Variants in DMGDH observed in about 807,000 individuals in gnomAD.
DMGDH encodes dimethylglycine dehydrogenase, also known as dimethylglycine dehydrogenase, mitochondrial.
In DMGDH, 76 loss-of-function variants were observed where a neutral mutation model predicts 95.2. That is an observed-to-expected ratio of 0.80 (90% CI 0.66 to 0.97). DMGDH has a LOEUF of 0.97. DMGDH is among the 50% of genes least tolerant of loss of function. The pLI, the probability that DMGDH is intolerant of heterozygous loss-of-function variation, is 0.00. For synonymous variants in DMGDH, 345 were observed against 377.6 expected (o/e 0.91, Z 1.00); for missense variants, 987 against 1,055.0 (o/e 0.94, Z 0.89).
chr5:79,019,970 G>T (rs1231360205), intron 14 of DMGDH, among the ~76,000 whole-genome samples: 1 of 152,170 alleles, frequency 6.6e-6, no homozygotes, highest in Non-Finnish European at 1.5e-5. Context: ...TTGGGGGTCT[G>T]GGATGGTACT....
At chr5:79,003,313 G>A (rs979839160) in intron 15 of DMGDH, among the ~76,000 whole-genome samples, 6 of 152,210 alleles carry the variant, frequency 3.9e-5, no homozygotes, top group Non-Finnish European at 8.8e-5. Context: ...GAGGCCCAGA[G>A]ATCAGCTCAG....
At chr5:79,035,941 A>G (rs980411960) in intron 7 of DMGDH, among the ~76,000 whole-genome samples, 1 of 152,238 alleles carries the variant, frequency 6.6e-6, no homozygotes, top group Non-Finnish European at 1.5e-5. Flanking sequence ...ATTTTAAAGT[A>G]TCATCTTAGG....
At chr5:79,002,634 A>AC (rs1753472739) in intron 15 of DMGDH, among the ~76,000 whole-genome samples, 2 of 152,174 alleles carry the variant, frequency 1.3e-5, no homozygotes, top group Non-Finnish European at 2.9e-5. Context: ...CACACACACA[A>AC]AAAAGTCAAT....
At chr5:79,044,027 T>C (rs959455244) in intron 6 of DMGDH, among the ~76,000 whole-genome samples, 4 of 152,202 alleles carry the variant, frequency 2.6e-5, no homozygotes, top group Non-Finnish European at 5.9e-5. Flanking sequence ...GGAGGTTGTG[T>C]GGGCAGGTAA....
intron 1 of DMGDH, among the ~76,000 whole-genome samples, chr5:79,067,606 T>C (rs1580238540): frequency 6.6e-6 from 1 of 152,232 alleles, no homozygotes; most frequent in African/African-American, 2.4e-5. Context: ...TGGCAACATA[T>C]GATAAAGCAT....
In DMGDH at chr5:79,024,297, G is replaced by A. The variant is rs757937639; in HGVS notation, c.2224C>T (p.Leu742=). The A allele has an allele frequency of 6.2e-7, 1 of 1,613,538 alleles. No homozygotes were observed. The highest frequency in any genetic ancestry group is 8.5e-7 in the Non-Finnish European group (1 of 1,179,686). Residue 742 remains leucine (L), a synonymous_variant, in exon 14 of 16, where the codon CTG becomes TTG. Transcript: ENST00000255189. ...TTATTTAACTTCACAAAATATTCCA[G>A]TCCAGCTTCCAAAGGATTTGTATCA... The part of the protein sequence containing the change: ...NCDTNPLEAG[L]EYFVKLNKPA...
intron 12 of DMGDH, 140 bp downstream of exon 12, chr5:79,028,293 T>C (rs935332904): frequency 4.7e-5 from 34 of 723,964 alleles, no homozygotes; most frequent in Middle Eastern, 3.9e-4. Context: ...CAAAGTCGCA[T>C]GGACAAAAGT....
chr5:79,044,968 TG>T (rs1184160923), intron 5 of DMGDH, among the ~76,000 whole-genome samples: 6 of 152,198 alleles, frequency 3.9e-5, no homozygotes, highest in African/African-American at 1.2e-4. Context: ...GCCCCTGTGT[TG>T]CTGTGACCAA....
intron 14 of DMGDH, chr5:79,021,710 C>A (rs766381969): frequency 1.2e-4 from 158 of 1,292,960 alleles, no homozygotes; most frequent in Non-Finnish European, 1.4e-4. Flanking sequence ...TTAGTTACAG[C>A]AAAAACATGT....
rs377216177 is a variant in DMGDH, at chr5:79,052,330, G to C, written c.541-839C>G. Among the ~76,000 whole-genome samples, 188 of 152,274 alleles carry C rather than the reference G, an allele frequency of 1.2e-3. 3 individuals carry two copies. In the South Asian group the frequency reaches 0.015, roughly 12 times the overall value. On this transcript the variant is annotated intron_variant, in intron 4 of 15. Transcript: ENST00000255189. ...CAATACTGGCCTCATAGAATGAGTT[G>C]AGAGGCATTCACTCTTCTATTTTGG...
intron 14 of DMGDH, chr5:79,021,363 A>G (rs1753862881): frequency 8.7e-7 from 1 of 1,155,116 alleles, no homozygotes; most frequent in East Asian, 6.0e-5. Context: ...ATTTAGATCT[A>G]TGGGTTAGCA....
At chr5:79,062,819 C>T (rs138292676) in intron 2 of DMGDH, among the ~76,000 whole-genome samples, 3 of 152,276 alleles carry the variant, frequency 2.0e-5, no homozygotes, top group Non-Finnish European at 2.9e-5. Context: ...TAAGGCCAGG[C>T]GCAGTGGTTC....
intron 2 of DMGDH, among the ~76,000 whole-genome samples, chr5:79,063,305 G>A (rs1212490855): frequency 6.6e-6 from 1 of 151,970 alleles, no homozygotes; most frequent in African/African-American, 2.4e-5. Flanking sequence ...ATCCTATTAG[G>A]TAAGTACTAT....
intron 12 of DMGDH, among the ~76,000 whole-genome samples, chr5:79,028,217 A>T (rs919693878): frequency 2.6e-5 from 4 of 152,034 alleles, no homozygotes; most frequent in African/African-American, 9.7e-5. Context: ...CTGTGGAACC[A>T]CTTTCAAGAT....
chr5:79,002,202 C>A (rs1049942675), intron 15 of DMGDH, among the ~76,000 whole-genome samples: 1 of 152,094 alleles, frequency 6.6e-6, no homozygotes, highest in Non-Finnish European at 1.5e-5. Flanking sequence ...TTGTGTTTTT[C>A]TTTGACTGTC....
intron 11 of DMGDH, 146 bp from the exon 12 acceptor site, chr5:79,028,796 A>G (rs1378777495): frequency 1.1e-6 from 1 of 915,968 alleles, no homozygotes; most frequent in Non-Finnish European, 1.7e-6. Flanking sequence ...TGATTTTTAA[A>G]GTTGAGGAAA....
At chr5:79,010,534 T>C (rs1753630888) in intron 14 of DMGDH, among the ~76,000 whole-genome samples, 1 of 152,178 alleles carries the variant, frequency 6.6e-6, no homozygotes. Context: ...GCAACTTCTC[T>C]ATACAATTGG....
chr5:79,002,429 G>A (rs1313007356), intron 15 of DMGDH, among the ~76,000 whole-genome samples: 2 of 152,028 alleles, frequency 1.3e-5, no homozygotes, highest in Non-Finnish European at 2.9e-5. Context: ...CTCCAGCACT[G>A]CCCAGCTCCC....
intron 14 of DMGDH, among the ~76,000 whole-genome samples, chr5:79,009,360 C>CTTTTTTTTTT (rs372464439): frequency 1.7e-4 from 18 of 107,740 alleles, no homozygotes; most frequent in African/African-American, 5.8e-4. Flanking sequence ...CTTTTCTTTT[C>CTTTTTTTTTT]TTTTCTTTTT....
Sources: allele counts gnomAD v4.1 joint callset (sites outside exome capture counted in the v4.1 genomes callset), GRCh38; gene constraint gnomAD v4.1.1; transcripts MANE v1.5; gene names NCBI Gene and HGNC (gene_info 2026-07-23, HGNC 2026-07-21).